The following BRAF variants were observed in gnomAD, a reference collection of about 807,000 sequenced individuals.
The protein encoded by BRAF is serine/threonine-protein kinase B-raf.
A neutral mutation model predicts 104.6 loss-of-function variants in BRAF; 16 were observed. The ratio of observed to expected loss-of-function variants is 0.15; its 90% CI spans 0.10 to 0.23. BRAF has a LOEUF of 0.23. Among genes scored for constraint, BRAF ranks in the 10% least tolerant of loss-of-function variants. The pLI is 1.00. For synonymous variants in BRAF, 310 were observed against 341.6 expected (o/e 0.91, Z 1.02); for missense variants, 541 against 937.3 (o/e 0.58, Z 5.52).
At chr7:140,903,929 T>C (rs1477059150) in intron 1 of BRAF, among the ~76,000 whole-genome samples, 1 of 152,152 alleles carries the variant, frequency 6.6e-6, no homozygotes, top group African/African-American at 2.4e-5. Context: ...CATGATGAAA[T>C]TTGAACAAAT....
intron 5 of BRAF, among the ~76,000 whole-genome samples, chr7:140,805,707 T>C (rs1233997728): frequency 6.6e-6 from 1 of 152,126 alleles, no homozygotes; most frequent in African/African-American, 2.4e-5. Flanking sequence ...GATATAAAAG[T>C]TTCAAATCTT....
At chr7:140,778,217 T>C (rs1369729989) in intron 12 of BRAF, 142 bp from the exon 12 acceptor site, 2 of 776,560 alleles carry the variant, frequency 2.6e-6, no homozygotes, top group African/African-American at 1.7e-5. Flanking sequence ...TTTAGCTATC[T>C]AAACTCCATT....
chr7:140,859,685 A>AT (rs60932962), intron 1 of BRAF, among the ~76,000 whole-genome samples: 2,950 of 131,638 alleles, frequency 0.022, 100 homozygotes, highest in East Asian at 0.15. Flanking sequence ...CTGATTGTAA[A>AT]TTTTTTTTTT....
chr7:140,755,840 G>A (rs1798156131), intron 14 of BRAF, among the ~76,000 whole-genome samples: 2 of 151,806 alleles, frequency 1.3e-5, no homozygotes, highest in South Asian at 2.1e-4. Context: ...GTGGAGCTAG[G>A]TCCTGCACTC....
Position 140,723,348 on chromosome 7 carries a change from C to T in BRAF, c.*3146G>A, listed in dbSNP as rs1426115544. ...TTGAATTATTTCTTTATATACTGCT[C>T]TTTCTTCTCCAACACCAACATAAAT... On this transcript the variant is annotated 3_prime_UTR_variant, in exon 20 of 20. Transcript: ENST00000644969. 2.8e-6 allele frequency: 3 copies of T among 1,055,544 alleles called. No homozygotes were observed. Among genetic ancestry groups the T allele is most frequent in the Non-Finnish European group, 3.4e-6 (3 of 873,346 alleles). The allele number at this position is 1,055,544 out of a possible 1,614,324, so 65.4% of individuals were successfully genotyped here.
intron 3 of BRAF, among the ~76,000 whole-genome samples, chr7:140,825,794 CTAATTT>C (rs1805983283): frequency 6.6e-6 from 1 of 152,092 alleles, no homozygotes; most frequent in Admixed American, 6.5e-5. Context: ...TTTTCCTAGT[CTAATTT>C]TAATTATTTT....
At chr7:140,808,733 C>T in intron 4 of BRAF, 159 bp downstream of exon 4, 1 of 662,002 alleles carries the variant, frequency 1.5e-6, no homozygotes. Flanking sequence ...CCTCATATGG[C>T]CTACAGTATT....
intron 7 of BRAF, among the ~76,000 whole-genome samples, chr7:140,796,258 G>A (rs1378594952): frequency 6.6e-6 from 1 of 151,734 alleles, no homozygotes; most frequent in Non-Finnish European, 1.5e-5. Flanking sequence ...GGCTGAGGCA[G>A]GAGAATCACT....
chr7:140,760,121 G>A (rs531580456), intron 14 of BRAF, among the ~76,000 whole-genome samples: 24 of 152,030 alleles, frequency 1.6e-4, no homozygotes, highest in Non-Finnish European at 3.2e-4. Context: ...ATATTAAGAC[G>A]CTGTTTCCTG....
rs1213937735 is a variant in BRAF at position 140,720,309 on chromosome 7, C to G, written c.*6185G>C. 9.4e-7 allele frequency: 1 copy of G among 1,062,276 alleles called. No individual in the cohort carries two copies. Among genetic ancestry groups the G allele is most frequent in the Non-Finnish European group, 1.1e-6 (1 of 877,610 alleles). 65.8% of individuals were successfully genotyped at this position (1,062,276 alleles called of 1,614,324 possible). A position where few individuals can be genotyped will look rare whatever the true frequency, so the allele number is the denominator to read the frequency against. ...ACTGAGTCTATATATGTGGCATGGC[C>G]AAAGGAAACACGGAGGACCCATGGA... On this transcript the variant is annotated 3_prime_UTR_variant, in exon 20 of 20. Transcript: ENST00000644969.
At chr7:140,913,017 C>A (rs1817172927) in intron 1 of BRAF, among the ~76,000 whole-genome samples, 1 of 152,244 alleles carries the variant, frequency 6.6e-6, no homozygotes, top group Admixed American at 6.5e-5. Flanking sequence ...ATTCCCGACA[C>A]AGAATCTTTG....
intron 9 of BRAF, among the ~76,000 whole-genome samples, chr7:140,786,264 G>A (rs1801344513): frequency 6.6e-6 from 1 of 152,140 alleles, no homozygotes; most frequent in Non-Finnish European, 1.5e-5. Flanking sequence ...TATTATTTTG[G>A]TTGCTTCATG....
chr7:140,864,107 G>A (rs879664166), intron 1 of BRAF, among the ~76,000 whole-genome samples: 7 of 152,158 alleles, frequency 4.6e-5, no homozygotes, highest in Admixed American at 2.0e-4. Context: ...ATTACGGTGC[G>A]CCAAGAATGA....
chr7:140,850,096 T>C lies in BRAF; in HGVS notation c.240+15A>G, dbSNP rs765731817. 35 of 1,547,242 alleles carry C rather than the reference T, an allele frequency of 2.3e-5. No homozygotes were observed. Among genetic ancestry groups the C allele is most frequent in the Non-Finnish European group, 3.0e-5 (34 of 1,122,204 alleles). On this transcript the variant is annotated intron_variant, in intron 2 of 19. Transcript: ENST00000644969. ...TTCTTTTCAAAATTACTAGATATGA[T>C]ACTCAAAAGCTTACCTCCAGATATA... is the stretch of plus-strand genomic sequence containing the variant.
intron 3 of BRAF, among the ~76,000 whole-genome samples, chr7:140,814,774 C>CATATATATATTATATATAACAT (rs531951692): frequency 1.5e-5 from 2 of 135,138 alleles, no homozygotes; most frequent in African/African-American, 6.0e-5. Context: ...TTATATATAA[C>CATATATATATTATATATAACAT]ATATATATTA....
intron 3 of BRAF, among the ~76,000 whole-genome samples, chr7:140,810,469 C>T (rs1231493668): frequency 1.3e-5 from 2 of 152,160 alleles, no homozygotes; most frequent in African/African-American, 4.8e-5. Context: ...ACTCAGGTGG[C>T]TGAGGCACGA....
At chr7:140,831,948 T>C (rs1213979745) in intron 3 of BRAF, among the ~76,000 whole-genome samples, 1 of 152,206 alleles carries the variant, frequency 6.6e-6, no homozygotes, top group Admixed American at 6.5e-5. Context: ...CATCAGGATT[T>C]TGCTAAGAAT....
chr7:140,775,389 C>T (rs1800242742), intron 14 of BRAF, among the ~76,000 whole-genome samples: 1 of 151,340 alleles, frequency 6.6e-6, no homozygotes, highest in South Asian at 2.1e-4. Flanking sequence ...CTCTTGTTGC[C>T]CAGGCTGGAG....
At chr7:140,890,949 CAACTTATTTATT>C (rs755455958) in intron 1 of BRAF, among the ~76,000 whole-genome samples, 12 of 152,138 alleles carry the variant, frequency 7.9e-5, no homozygotes, top group Non-Finnish European at 1.2e-4. Context: ...AGTAAAAGTA[CAACTTATTTATT>C]AATGTATTCA....
Sources: allele counts gnomAD v4.1 joint callset (sites outside exome capture counted in the v4.1 genomes callset), GRCh38; gene constraint gnomAD v4.1.1; transcripts MANE v1.5; gene names NCBI Gene and HGNC (gene_info 2026-07-23, HGNC 2026-07-21).